Variants in TMEM238L observed in about 807,000 individuals in gnomAD.
The protein encoded by TMEM238L is transmembrane protein 238-like.
chr17:10,798,242 A>G (rs1224405766), intron 1 of TMEM238L, among the ~76,000 whole-genome samples: 9 of 152,124 alleles, frequency 5.9e-5, no homozygotes, highest in Non-Finnish European at 1.5e-5. Context: ...CTCAGCTTTC[A>G]GAGCCCTGGC....
chr17:10,803,677 T>G, exon 1 of TMEM238L: 1 of 398,620 alleles, frequency 2.5e-6, no homozygotes, highest in Non-Finnish European at 4.4e-6. Context: ...TTCACAGACA[T>G]GTCTGCATAC....
intron 1 of TMEM238L, among the ~76,000 whole-genome samples, chr17:10,796,377 T>C (rs963869184): frequency 3.3e-5 from 5 of 152,184 alleles, no homozygotes; most frequent in African/African-American, 1.2e-4. Flanking sequence ...CATCCTCTTT[T>C]CCTCTCTGCT....
At chr17:10,796,494 AT>A (rs1217027926) in intron 1 of TMEM238L, among the ~76,000 whole-genome samples, 2 of 152,104 alleles carry the variant, frequency 1.3e-5, no homozygotes, top group African/African-American at 4.8e-5. Flanking sequence ...TACCCTCTTA[AT>A]CTCATCACCA....
chr17:10,801,171 C>G (rs1003145276), intron 1 of TMEM238L, among the ~76,000 whole-genome samples: 1 of 152,112 alleles, frequency 6.6e-6, no homozygotes, highest in Non-Finnish European at 1.5e-5. Flanking sequence ...CTGCCTCAGC[C>G]TCCCAAGTAG....
intron 1 of TMEM238L, among the ~76,000 whole-genome samples, chr17:10,800,486 C>T (rs1036419034): frequency 3.3e-5 from 5 of 152,220 alleles, no homozygotes; most frequent in Non-Finnish European, 7.3e-5. Flanking sequence ...GAGCAGCATT[C>T]AGTCTCATAT....
exon 2 of TMEM238L, chr17:10,795,353 G>A (rs1904509229): frequency 6.6e-6 from 1 of 152,246 alleles, no homozygotes; most frequent in Non-Finnish European, 1.5e-5. Flanking sequence ...AATAGTGCAC[G>A]GTGTGGCCCC....
At chr17:10,801,444 C>T (rs1002243679) in intron 1 of TMEM238L, among the ~76,000 whole-genome samples, 5 of 152,266 alleles carry the variant, frequency 3.3e-5, no homozygotes, top group East Asian at 3.9e-4. Context: ...TAACCCTCAC[C>T]GACATTTGCT....
chr17:10,798,538 A>G (rs1356714704), intron 1 of TMEM238L, among the ~76,000 whole-genome samples: 1 of 152,120 alleles, frequency 6.6e-6, no homozygotes, highest in Non-Finnish European at 1.5e-5. Context: ...GTGGAGGAAC[A>G]AGTTTCATTT....
rs1299206683 is a variant in TMEM238L at position 10,795,962 on chromosome 17, A to C, written c.*119-14T>G. ...ATCAGATGGGACCTGTGTTGAACAA[A>C]GGAAGATAAAATGGATCAGCCCCCA... On this transcript the variant is annotated splice_polypyrimidine_tract_variant and intron_variant, in intron 1 of 1. Transcript: ENST00000581851. 2.0e-5 allele frequency: 3 copies of C among 152,240 alleles called. No homozygotes were observed. Among genetic ancestry groups the C allele is most frequent in the African/African-American group, 4.8e-5 (2 of 41,454 alleles). 9.4% of individuals were successfully genotyped at this position (152,240 alleles called of 1,614,324 possible).
At chr17:10,802,409 T>G (rs533064100) in intron 1 of TMEM238L, 1 of 152,346 alleles carries the variant, frequency 6.6e-6, no homozygotes, top group East Asian at 1.9e-4. Flanking sequence ...ATGAGAATCC[T>G]GAGGCTCAGA....
At chr17:10,800,081 G>A (rs530366284) in intron 1 of TMEM238L, among the ~76,000 whole-genome samples, 50 of 152,126 alleles carry the variant, frequency 3.3e-4, no homozygotes, top group South Asian at 1.9e-3. Context: ...ACAGGCACCC[G>A]CCACCATGCC....
At chr17:10,798,567 T>C (rs1445401151) in intron 1 of TMEM238L, among the ~76,000 whole-genome samples, 1 of 152,178 alleles carries the variant, frequency 6.6e-6, no homozygotes, top group Non-Finnish European at 1.5e-5. Context: ...TCAAGGCTGT[T>C]AGCCTTTTGG....
chr17:10,797,321 A>G (rs1293904473), intron 1 of TMEM238L, among the ~76,000 whole-genome samples: 1 of 151,654 alleles, frequency 6.6e-6, no homozygotes, highest in Non-Finnish European at 1.5e-5. Flanking sequence ...GGTTCAGTGA[A>G]TCTTAGTGTT....
exon 2 of TMEM238L, chr17:10,795,270 G>T (rs1904506436): frequency 1.3e-5 from 2 of 152,234 alleles, no homozygotes; most frequent in African/African-American, 4.8e-5. Context: ...AAATGCACGG[G>T]AGATTTCAGT....
At chr17:10,801,109 G>C (rs1904730616) in intron 1 of TMEM238L, among the ~76,000 whole-genome samples, 1 of 151,070 alleles carries the variant, frequency 6.6e-6, no homozygotes, top group Non-Finnish European at 1.5e-5. Flanking sequence ...GGAGTGCAGT[G>C]GTGCGATCTC....
intron 1 of TMEM238L, among the ~76,000 whole-genome samples, chr17:10,797,559 G>A (rs1298220226): frequency 6.6e-6 from 1 of 152,058 alleles, no homozygotes; most frequent in Non-Finnish European, 1.5e-5. Context: ...ATGCCAATTA[G>A]GTAGTTCTGC....
At chr17:10,797,691 G>A (rs1454848939) in intron 1 of TMEM238L, 1 of 152,020 alleles carries the variant, frequency 6.6e-6, no homozygotes, top group Non-Finnish European at 1.5e-5. Flanking sequence ...TGAAGGCTTT[G>A]ACAATGCCAC....
At chr17:10,801,421 T>C (rs1904743139) in intron 1 of TMEM238L, among the ~76,000 whole-genome samples, 1 of 152,198 alleles carries the variant, frequency 6.6e-6, no homozygotes, top group East Asian at 1.9e-4. Context: ...GGCCTCTGTC[T>C]ACCACAGAGC....
At chr17:10,798,599 G>A (rs1420018334) in intron 1 of TMEM238L, among the ~76,000 whole-genome samples, 1 of 152,142 alleles carries the variant, frequency 6.6e-6, no homozygotes, top group African/African-American at 2.4e-5. Context: ...GTGAGAGTGG[G>A]TGTGTTTGTT....
Sources: allele counts gnomAD v4.1 joint callset (sites outside exome capture counted in the v4.1 genomes callset), GRCh38; gene constraint gnomAD v4.1.1; transcripts MANE v1.5; gene names NCBI Gene and HGNC (gene_info 2026-07-23, HGNC 2026-07-21).